POC1A: variants seen among roughly 807,000 people sequenced by gnomAD.
POC1A encodes the protein POC1 centriolar protein homolog A.
POC1A carries 34 observed loss-of-function variants against 47.8 expected under a neutral mutation model. The ratio of observed to expected loss-of-function variants is 0.71; its 90% CI spans 0.54 to 0.95. The LOEUF is 0.95. Ranked by LOEUF, POC1A falls within the 40% of genes least tolerant of loss-of-function variation. The pLI is 0.00. For missense variants in POC1A, 466 were observed against 528.3 expected (o/e 0.88, Z 1.16); for synonymous variants, 177 against 207.6 (o/e 0.85, Z 1.27).
chr3:52,100,953 G>A (rs1203539630), intron 9 of POC1A, among the ~76,000 whole-genome samples: 3 of 152,038 alleles, frequency 2.0e-5, no homozygotes, highest in South Asian at 4.1e-4. Flanking sequence ...ACTATCCTGA[G>A]CTGAGATTAT....
chr3:52,152,042 G>A (rs2107216097), intron 1 of POC1A, among the ~76,000 whole-genome samples: 1 of 152,340 alleles, frequency 6.6e-6, no homozygotes, highest in African/African-American at 2.4e-5. Flanking sequence ...GGGAGGCTGA[G>A]GCAGGAGGAT....
chr3:52,080,503 C>G (rs1442077734), intron 10 of POC1A, among the ~76,000 whole-genome samples: 3 of 152,224 alleles, frequency 2.0e-5, no homozygotes, highest in East Asian at 3.8e-4. Flanking sequence ...CACCCACCCC[C>G]TCACATTGTC....
chr3:52,113,500 C>A (rs758851630), intron 9 of POC1A, among the ~76,000 whole-genome samples: 2 of 152,200 alleles, frequency 1.3e-5, no homozygotes, highest in Non-Finnish European at 2.9e-5. Flanking sequence ...GTCAGGAGTT[C>A]AAGACCAGCC....
intron 6 of POC1A, among the ~76,000 whole-genome samples, chr3:52,139,446 C>G (rs1698109673): frequency 6.6e-6 from 1 of 152,176 alleles, no homozygotes; most frequent in Admixed American, 6.5e-5. Flanking sequence ...TGTCGATTCC[C>G]CCAGCCGTAG....
chr3:52,089,605 C>T (rs1023459065), intron 10 of POC1A, among the ~76,000 whole-genome samples: 9 of 152,104 alleles, frequency 5.9e-5, no homozygotes, highest in Non-Finnish European at 1.0e-4. Flanking sequence ...AACAACCCAC[C>T]ACCACCCTTA....
intron 9 of POC1A, among the ~76,000 whole-genome samples, chr3:52,102,886 A>G (rs912383829): frequency 3.9e-5 from 6 of 152,252 alleles, no homozygotes; most frequent in African/African-American, 1.2e-4. Flanking sequence ...GGAAAGGCAA[A>G]GGAACTAGAA....
intron 10 of POC1A, among the ~76,000 whole-genome samples, chr3:52,082,465 C>T (rs1371390973): frequency 1.3e-5 from 2 of 152,108 alleles, no homozygotes; most frequent in Non-Finnish European, 2.9e-5. Context: ...GAGCTCGGAC[C>T]AGGTGGTAGG....
rs575837560 is a variant in POC1A at position 52,086,599 on chromosome 3, G to T, written c.1125+9970C>A. On this transcript the variant is annotated intron_variant, in intron 10 of 10. Transcript: ENST00000296484. Reference sequence around the variant, plus strand: ...ACACACGCAGGACCCTGACTTGCTGGTGGTGCCCTTGCTAGCCTGCTGCCA... The same window carrying T: ...ACACACGCAGGACCCTGACTTGCTGTTGGTGCCCTTGCTAGCCTGCTGCCA... Among the ~76,000 whole-genome samples the T allele has an allele frequency of 9.7e-4, 148 of 152,322 alleles. No individual in the cohort carries two copies. The Middle Eastern group carries it at 0.01, about 11-fold the overall frequency.
Position 52,154,412 on chromosome 3 carries a change from T to A in POC1A, c.-40A>T. 1 of 1,422,062 alleles carries A rather than the reference T, an allele frequency of 7.0e-7. No individual in the cohort carries two copies. The highest frequency in any genetic ancestry group is 9.1e-7 in the Non-Finnish European group (1 of 1,093,660). 88.1% of individuals were successfully genotyped at this position (1,422,062 alleles called of 1,614,324 possible). ...CGCCGAAGGCAGCTGCGGTGGCCGT[T>A]GCGGCCCGTTCAGTTTCCGCGCCCC... On this transcript the variant is annotated 5_prime_UTR_variant, in exon 1 of 11. Coordinates refer to ENST00000296484, the MANE Select transcript of POC1A (RefSeq NM_015426.5).
At chr3:52,094,576 C>A (rs1702746815) in intron 10 of POC1A, among the ~76,000 whole-genome samples, 1 of 152,258 alleles carries the variant, frequency 6.6e-6, no homozygotes, top group Non-Finnish European at 1.5e-5. Flanking sequence ...AGGATTAGCA[C>A]AAAGGTGCTA....
chr3:52,077,607 G>A (rs898234441), intron 10 of POC1A, among the ~76,000 whole-genome samples: 3 of 152,230 alleles, frequency 2.0e-5, no homozygotes, highest in Admixed American at 6.5e-5. Context: ...CCAGCCAGCC[G>A]GGGAGGGGGT....
intron 7 of POC1A, among the ~76,000 whole-genome samples, chr3:52,125,855 C>T (rs1229349148): frequency 2.0e-5 from 3 of 152,204 alleles, no homozygotes; most frequent in Non-Finnish European, 4.4e-5. Context: ...AAGGGGAATG[C>T]CAGGCACACG....
chr3:52,110,353 A>G lies in POC1A; in HGVS notation c.981+12026T>C, dbSNP rs373225587. 9.8e-4 allele frequency among the ~76,000 whole-genome samples: 149 copies of G among 152,340 alleles called. 2 individuals carry two copies. The highest frequency in any genetic ancestry group is 3.4e-3 in the African/African-American group (142 of 41,576). The stretch of plus-strand genomic sequence containing the variant: ...AGGAAGCCTGCATGGAGGAGGTGCC[A>G]TCTGGAAAGAGACTATAAGGATGAG... On this transcript the variant is annotated intron_variant, in intron 9 of 10. Transcript: ENST00000296484.
At chr3:52,141,825 T>C (rs1416838877) in intron 6 of POC1A, among the ~76,000 whole-genome samples, 1 of 150,170 alleles carries the variant, frequency 6.7e-6, no homozygotes, top group East Asian at 1.9e-4. Context: ...CCCAACCCCA[T>C]CTCTGAAAGA....
intron 7 of POC1A, among the ~76,000 whole-genome samples, chr3:52,137,271 C>T (rs1342517102): frequency 6.6e-6 from 1 of 152,148 alleles, no homozygotes; most frequent in Non-Finnish European, 1.5e-5. Flanking sequence ...CAAATGGCCC[C>T]CAGGTACCCT....
At chr3:52,126,651 A>G (rs1376359053) in intron 7 of POC1A, among the ~76,000 whole-genome samples, 2 of 152,250 alleles carry the variant, frequency 1.3e-5, no homozygotes, top group Non-Finnish European at 2.9e-5. Flanking sequence ...GCAGAAATGT[A>G]TTGGCTCACA....
At chr3:52,099,315 C>T (rs1702920938) in intron 9 of POC1A, among the ~76,000 whole-genome samples, 1 of 152,204 alleles carries the variant, frequency 6.6e-6, no homozygotes, top group South Asian at 2.1e-4. Flanking sequence ...CACCTGCATG[C>T]CAGCACTCTG....
chr3:52,077,090 C>A (rs1159327001), intron 10 of POC1A, among the ~76,000 whole-genome samples: 1 of 152,260 alleles, frequency 6.6e-6, no homozygotes, highest in Non-Finnish European at 1.5e-5. Context: ...CCTTTGGCAT[C>A]ATTTCACTTC....
chr3:52,109,895 G>GT (rs967417787), intron 9 of POC1A, among the ~76,000 whole-genome samples: 1 of 152,022 alleles, frequency 6.6e-6, no homozygotes, highest in East Asian at 1.9e-4. Context: ...ACCACAAAGG[G>GT]TTTTTTTCCA....
Sources: allele counts gnomAD v4.1 joint callset (sites outside exome capture counted in the v4.1 genomes callset), GRCh38; gene constraint gnomAD v4.1.1; transcripts MANE v1.5; gene names NCBI Gene and HGNC (gene_info 2026-07-23, HGNC 2026-07-21).